Variants in MAP4 observed in about 807,000 individuals in gnomAD.
MAP4 encodes the protein microtubule-associated protein 4.
Under a neutral mutation model 170.2 loss-of-function variants are expected in MAP4, and 76 were observed. The ratio of observed to expected loss-of-function variants is 0.45; its 90% CI spans 0.37 to 0.54. MAP4 has a LOEUF of 0.54. Ranked by LOEUF, MAP4 falls within the 20% of genes least tolerant of loss-of-function variation. MAP4 has a pLI of 0.00. For missense variants in MAP4, 2,506 were observed against 2,748.0 expected, an observed-to-expected ratio of 0.91 and a Z score of 1.97; for synonymous variants, 909 against 994.5, an observed-to-expected ratio of 0.91 and a Z score of 1.62.
At chr3:47,913,213 T>C (rs894706120) in intron 8 of MAP4, among the ~76,000 whole-genome samples, 1 of 152,142 alleles carries the variant, frequency 6.6e-6, no homozygotes, top group Non-Finnish European at 1.5e-5. Flanking sequence ...CCAGTTAATA[T>C]AATATGGATC....
At chr3:48,023,878 T>C (rs2100111768) in intron 1 of MAP4, among the ~76,000 whole-genome samples, 1 of 152,156 alleles carries the variant, frequency 6.6e-6, no homozygotes, top group Non-Finnish European at 1.5e-5. Flanking sequence ...GGAGACCCTC[T>C]CCTAAACATA....
chr3:47,909,181 C>T lies in MAP4; in HGVS notation c.5240G>A (p.Gly1747Glu), dbSNP rs2100034667. 6.2e-7 allele frequency: 1 copy of T among 1,613,904 alleles called. No individual in the cohort carries two copies. The highest frequency in any genetic ancestry group is 1.1e-5 in the South Asian group (1 of 91,076). The change falls in exon 9 of 21, where the codon GGA becomes GAA. Residue 1747 changes from glycine (G) to glutamate (E), a missense_variant. By Grantham distance (98) the Gly-to-Glu change is moderately conservative. Coordinates refer to ENST00000683076, the MANE Select transcript of MAP4 (RefSeq NM_001385682.1). ...GCTTTTATCTTCCTTTTTCCCTTCT[C>T]CTGGTGTCTTTGATTCAGATTTTTC... ...MTEKSESKTP[G>E]EGKKEDKSRM...
At chr3:48,035,357 G>T (rs189111190) in intron 1 of MAP4, among the ~76,000 whole-genome samples, 1 of 151,712 alleles carries the variant, frequency 6.6e-6, no homozygotes, top group East Asian at 1.9e-4. Context: ...AACTAGACCA[G>T]ATGCAGTGGC....
intron 10 of MAP4, among the ~76,000 whole-genome samples, chr3:47,893,254 TATTCTAATTATAAGAC>T (rs1396676727): frequency 1.3e-5 from 2 of 152,190 alleles, no homozygotes; most frequent in Non-Finnish European, 2.9e-5. Context: ...TGGGGATAGA[TATTCTAATTATAAGAC>T]ATTTGTGTGA....
At chr3:47,985,800 C>T (rs1043140739) in intron 2 of MAP4, among the ~76,000 whole-genome samples, 3 of 151,884 alleles carry the variant, frequency 2.0e-5, no homozygotes, top group Non-Finnish European at 4.4e-5. Flanking sequence ...TAATTGCAGA[C>T]AAGAAGAAAA....
At chr3:47,956,028 T>C (rs182488010) in intron 3 of MAP4, among the ~76,000 whole-genome samples, 1 of 152,302 alleles carries the variant, frequency 6.6e-6, no homozygotes, top group Non-Finnish European at 1.5e-5. Context: ...AGGCTTGCTA[T>C]TGGGTCTTGG....
intron 1 of MAP4, among the ~76,000 whole-genome samples, chr3:48,055,212 G>A (rs1043720931): frequency 7.1e-6 from 1 of 140,376 alleles, no homozygotes; most frequent in Non-Finnish European, 1.5e-5. Flanking sequence ...CTCCGTCTCC[G>A]TCTCCGTCTC....
At chr3:48,011,092 C>A (rs1234513131) in intron 1 of MAP4, among the ~76,000 whole-genome samples, 1 of 152,182 alleles carries the variant, frequency 6.6e-6, no homozygotes, top group Non-Finnish European at 1.5e-5. Flanking sequence ...CAAAGGGGCT[C>A]CTGTGGCATG....
At chr3:47,881,834 A>T (rs1159655595) in intron 10 of MAP4, among the ~76,000 whole-genome samples, 1 of 151,896 alleles carries the variant, frequency 6.6e-6, no homozygotes, top group Non-Finnish European at 1.5e-5. Context: ...TCGAACTCCT[A>T]GGCTCAAGTG....
intron 1 of MAP4, among the ~76,000 whole-genome samples, chr3:48,057,652 A>G (rs1375637255): frequency 6.6e-6 from 1 of 150,640 alleles, no homozygotes; most frequent in South Asian, 2.1e-4. Context: ...AAAAGAAAAA[A>G]AAAAAAAAGT....
chr3:47,928,249 C>T lies in MAP4; in HGVS notation c.394G>A (p.Val132Met), dbSNP rs1048150781. The T allele has an allele frequency of 3.1e-6, 5 of 1,614,190 alleles. No homozygotes were observed. The African/African-American group carries it at 4.0e-5, about 13-fold the overall frequency. ...DTNFCFQPEQ[V>M]VDPIQTDPFK... Reference sequence around the variant, plus strand: ...TTACCAGTCTGGATAGGATCGACCACTTGCTCAGGTTGGAAACAAAAGTTG... The same window carrying T: ...TTACCAGTCTGGATAGGATCGACCATTTGCTCAGGTTGGAAACAAAAGTTG... The change falls in exon 4 of 21, where the codon GTG (valine) becomes ATG (methionine). Residue 132 changes from valine (V) to methionine (M), a missense_variant. Physicochemically the swap from Val to Met is conservative, Grantham distance 21 (BLOSUM62 1). Transcript: ENST00000683076.
intron 3 of MAP4, among the ~76,000 whole-genome samples, chr3:47,955,075 C>G (rs951124302): frequency 1.3e-5 from 2 of 152,126 alleles, no homozygotes; most frequent in African/African-American, 4.8e-5. Context: ...CCTATTATAT[C>G]TTGATTTAAC....
intron 1 of MAP4, among the ~76,000 whole-genome samples, chr3:48,029,887 A>G (rs2100115064): frequency 6.6e-6 from 1 of 151,298 alleles, no homozygotes. Context: ...AGTCCCAGCT[A>G]CTCAGGAGGC....
At chr3:47,940,453 T>G (rs892999861) in intron 3 of MAP4, among the ~76,000 whole-genome samples, 1 of 152,150 alleles carries the variant, frequency 6.6e-6, no homozygotes, top group Non-Finnish European at 1.5e-5. Flanking sequence ...AAAATGAAAT[T>G]CTAAACAAGA....
At chr3:47,966,820 T>C (rs1394354342) in intron 3 of MAP4, among the ~76,000 whole-genome samples, 1 of 152,226 alleles carries the variant, frequency 6.6e-6, no homozygotes, top group African/African-American at 2.4e-5. Flanking sequence ...GGGCTTTCCA[T>C]TCCGTTCCTT....
intron 1 of MAP4, among the ~76,000 whole-genome samples, chr3:48,083,461 G>T (rs1452656326): frequency 6.6e-6 from 1 of 151,410 alleles, no homozygotes; most frequent in African/African-American, 2.4e-5. Context: ...TGCCTCCCGG[G>T]TTCAAGTGAT....
At chr3:47,918,580 C>A in intron 6 of MAP4, 139 bp downstream of exon 6, 1 of 614,134 alleles carries the variant, frequency 1.6e-6, no homozygotes, top group East Asian at 2.7e-5. Context: ...GTGGTGATAT[C>A]ACTAATATAA....
chr3:47,986,025 AC>A (rs2100088442), intron 2 of MAP4, among the ~76,000 whole-genome samples: 1 of 152,254 alleles, frequency 6.6e-6, no homozygotes, highest in Admixed American at 6.5e-5. Context: ...TGTAAATATA[AC>A]AAGAATGATA....
chr3:47,981,795 T>C (rs1578734636), intron 2 of MAP4, among the ~76,000 whole-genome samples: 1 of 151,618 alleles, frequency 6.6e-6, no homozygotes. Flanking sequence ...TATTCCCATA[T>C]ATTTACCTAT....
Sources: gnomAD v4.1 joint callset for allele counts (sites outside exome capture counted in the v4.1 genomes callset) on GRCh38, gnomAD v4.1.1 for gene constraint, MANE v1.5 for transcripts, NCBI Gene and HGNC (gene_info 2026-07-23, HGNC 2026-07-21) for gene names.